Variants in PTPRD observed in about 807,000 individuals in gnomAD.
PTPRD encodes the protein protein tyrosine phosphatase receptor type D.
In PTPRD, 34 loss-of-function variants were observed where a neutral mutation model predicts 214.5. The ratio of observed to expected loss-of-function variants is 0.16; its 90% CI spans 0.12 to 0.21. PTPRD has a LOEUF of 0.21. PTPRD is among the 10% of genes least tolerant of loss of function. The probability of loss-of-function intolerance (pLI) is 1.00; values close to 1 mark genes in which losing one functional copy is unlikely to be tolerated. For synonymous variants in PTPRD, 1,128 were observed against 845.7 expected (o/e 1.33, Z -5.79); for missense variants, 2,545 against 2,398.7 (o/e 1.06, Z -1.27).
chr9:9,585,878 T>C (rs1299031162), intron 7 of PTPRD, among the ~76,000 whole-genome samples: 3 of 151,990 alleles, frequency 2.0e-5, no homozygotes, highest in African/African-American at 7.2e-5. Context: ...TGAGGTGTGT[T>C]CTGATTGGAG....
intron 12 of PTPRD, among the ~76,000 whole-genome samples, chr9:8,687,332 T>C (rs1024732959): frequency 6.6e-6 from 1 of 152,190 alleles, no homozygotes; most frequent in Non-Finnish European, 1.5e-5. Context: ...TGCCAGAAAT[T>C]TATGAGGAAT....
At chr9:8,506,133 A>C (rs1321522812) in intron 22 of PTPRD, among the ~76,000 whole-genome samples, 1 of 152,236 alleles carries the variant, frequency 6.6e-6, no homozygotes, top group Non-Finnish European at 1.5e-5. Context: ...ATATTAATTT[A>C]TTATAACATC....
At chr9:8,506,938 A>C (rs2097553883) in intron 22 of PTPRD, among the ~76,000 whole-genome samples, 2 of 152,326 alleles carry the variant, frequency 1.3e-5, no homozygotes, top group African/African-American at 2.4e-5. Context: ...CTGTCCCCAC[A>C]GTGACTTAAA....
chr9:10,103,648 C>G (rs987108889), intron 3 of PTPRD, among the ~76,000 whole-genome samples: 2 of 151,240 alleles, frequency 1.3e-5, no homozygotes, highest in East Asian at 2.0e-4. Flanking sequence ...GGTTCATTGT[C>G]TCTCCTTGAT....
intron 2 of PTPRD, among the ~76,000 whole-genome samples, chr9:10,342,225 C>A (rs952343211): frequency 1.3e-5 from 2 of 152,048 alleles, no homozygotes; most frequent in Admixed American, 6.6e-5. Context: ...GCCCTTGATA[C>A]TGGCCTGTGT....
At chr9:8,745,182 T>G (rs888638590) in intron 11 of PTPRD, among the ~76,000 whole-genome samples, 2 of 152,120 alleles carry the variant, frequency 1.3e-5, no homozygotes, top group Admixed American at 6.6e-5. Context: ...TAACAGACAA[T>G]GCATGAAGTA....
rs1167624723 is a variant in PTPRD at position 9,438,396 on chromosome 9, C to G, written c.-236-40914G>C. ...GAACTGAGAAATAAATAATCTCATA[C>G]TGTTATTATAGAATATTAATTGGAA... On this transcript the variant is annotated intron_variant, in intron 8 of 45. Coordinates refer to ENST00000381196, the MANE Select transcript of PTPRD (RefSeq NM_002839.4). Among the ~76,000 whole-genome samples the G allele has an allele frequency of 2.0e-5, 3 of 152,132 alleles. No individual in the cohort carries two copies. In the East Asian group the frequency reaches 5.8e-4, roughly 29 times the overall value.
At chr9:9,804,433 G>A (rs2153519892) in intron 5 of PTPRD, among the ~76,000 whole-genome samples, 1 of 152,018 alleles carries the variant, frequency 6.6e-6, no homozygotes, top group East Asian at 1.9e-4. Context: ...CTAAAATTGT[G>A]AATTTATGAA....
At chr9:10,452,613 T>C (rs2098849281) in intron 2 of PTPRD, among the ~76,000 whole-genome samples, 1 of 151,868 alleles carries the variant, frequency 6.6e-6, no homozygotes, top group Admixed American at 6.6e-5. Context: ...TAGTGGCCAT[T>C]TGTATGTCTT....
intron 7 of PTPRD, among the ~76,000 whole-genome samples, chr9:9,674,446 A>G (rs2096891043): frequency 6.6e-6 from 1 of 151,804 alleles, no homozygotes; most frequent in Non-Finnish European, 1.5e-5. Context: ...AAACATATAG[A>G]ATATTTGAAA....
At chr9:9,148,141 T>C (rs528763694) in intron 10 of PTPRD, among the ~76,000 whole-genome samples, 108 of 152,332 alleles carry the variant, frequency 7.1e-4, no homozygotes, top group African/African-American at 2.5e-3. Context: ...CGAGCACTGG[T>C]GACTACCCTT....
intron 9 of PTPRD, among the ~76,000 whole-genome samples, chr9:9,375,259 T>C (rs1482221774): frequency 6.6e-5 from 10 of 152,124 alleles, no homozygotes; most frequent in Non-Finnish European, 2.9e-5. Context: ...AATAAGTGAA[T>C]GAAATGTTGT....
intron 12 of PTPRD, among the ~76,000 whole-genome samples, chr9:8,683,566 A>C (rs2154374643): frequency 6.6e-6 from 1 of 152,274 alleles, no homozygotes; most frequent in African/African-American, 2.4e-5. Flanking sequence ...AGGAGGAAGA[A>C]ATAAAATTTA....
intron 3 of PTPRD, among the ~76,000 whole-genome samples, chr9:10,317,821 C>T (rs2096471544): frequency 6.6e-6 from 1 of 151,986 alleles, no homozygotes; most frequent in Non-Finnish European, 1.5e-5. Context: ...ATTCTACTTA[C>T]ACTAGAAAAT....
At chr9:8,786,864 T>C (rs1566054060) in intron 11 of PTPRD, among the ~76,000 whole-genome samples, 1 of 152,110 alleles carries the variant, frequency 6.6e-6, no homozygotes. Flanking sequence ...TCAATTATGA[T>C]ACCTAGGTGT....
At chr9:10,405,895 C>T (rs543396358) in intron 2 of PTPRD, among the ~76,000 whole-genome samples, 1 of 151,380 alleles carries the variant, frequency 6.6e-6, no homozygotes, top group African/African-American at 2.4e-5. Flanking sequence ...GGAATAAAAA[C>T]TTAAAGATTG....
rs192796087 is a variant in PTPRD at position 8,721,764 on chromosome 9, C to A, written c.64+12016G>T. ...TCTGCTTCTGGTTTTACAGATATTACACAGAACTACGATTTCTCTTTCCCA... is the reference window on the plus strand; with the variant it reads ...TCTGCTTCTGGTTTTACAGATATTAAACAGAACTACGATTTCTCTTTCCCA... On this transcript the variant is annotated intron_variant, in intron 12 of 45. Coordinates refer to ENST00000381196, the MANE Select transcript of PTPRD (RefSeq NM_002839.4). 1.2e-4 allele frequency among the ~76,000 whole-genome samples: 18 copies of A among 152,316 alleles called. No individual in the cohort carries two copies. In the East Asian group the frequency reaches 3.5e-3, roughly 29 times the overall value.
At chr9:10,594,373 T>C (rs1047146024) in intron 2 of PTPRD, among the ~76,000 whole-genome samples, 1 of 151,968 alleles carries the variant, frequency 6.6e-6, no homozygotes, top group African/African-American at 2.4e-5. Flanking sequence ...TTAACTAAAT[T>C]CAAAAAGATA....
intron 11 of PTPRD, among the ~76,000 whole-genome samples, chr9:8,809,143 A>G (rs190569722): frequency 6.6e-6 from 1 of 152,240 alleles, no homozygotes; most frequent in Admixed American, 6.5e-5. Context: ...TGCCCATTCC[A>G]GCATCCTATA....
Sources: allele counts gnomAD v4.1 joint callset (sites outside exome capture counted in the v4.1 genomes callset), GRCh38; gene constraint gnomAD v4.1.1; transcripts MANE v1.5; gene names NCBI Gene and HGNC (gene_info 2026-07-23, HGNC 2026-07-21).